The following TVP23A variants were observed in gnomAD, a reference collection of about 807,000 sequenced individuals.
TVP23A encodes Golgi apparatus membrane protein TVP23 homolog A.
TVP23A carries 21 observed loss-of-function variants against 31.7 expected under a neutral mutation model. The observed-to-expected ratio is 0.66, with a 90% CI of 0.47 to 0.95. The LOEUF (loss-of-function observed/expected upper bound fraction) is 0.95, where lower values mean the gene tolerates loss of function less well. Among genes scored for constraint, TVP23A ranks in the 40% least tolerant of loss-of-function variants. The pLI, the probability that TVP23A is intolerant of heterozygous loss-of-function variation, is 0.00. For missense variants in TVP23A, 279 were observed against 255.6 expected, an observed-to-expected ratio of 1.09 and a Z score of -0.62; for synonymous variants, 104 against 96.0, an observed-to-expected ratio of 1.08 and a Z score of -0.49.
chr16:10,775,293 G>A (rs1335811189), intron 2 of TVP23A, 197 bp from the exon 3 acceptor site: 4 of 1,407,712 alleles, frequency 2.8e-6, no homozygotes, highest in Non-Finnish European at 3.7e-6. Context: ...CAGTCATGCT[G>A]ACACTGTTTT....
Position 10,767,912 on chromosome 16 carries a change from T to C in TVP23A, c.*1190A>G. The C allele has an allele frequency of 1.9e-6, 3 of 1,597,620 alleles. No individual in the cohort carries two copies. Among genetic ancestry groups the C allele is most frequent in the Non-Finnish European group, 2.6e-6 (3 of 1,165,114 alleles). The stretch of plus-strand genomic sequence containing the variant: ...ATCTTGTGGCCATTCTGTTTTCCTC[T>C]TGGACTGAATTGTCTTCCGTTTGTT... On this transcript the variant is annotated 3_prime_UTR_variant, in exon 8 of 8. Coordinates refer to ENST00000299866, the MANE Select transcript of TVP23A (RefSeq NM_001079512.4). The surrounding 1 kb of genome is among the most constrained non-coding windows in gnomAD (Gnocchi z 4.6).
intron 2 of TVP23A, among the ~76,000 whole-genome samples, chr16:10,814,174 A>G (rs1567321284): frequency 6.6e-6 from 1 of 152,084 alleles, no homozygotes; most frequent in Non-Finnish European, 1.5e-5. Flanking sequence ...TGGTTAAATA[A>G]GTCCAGGGCC....
At chr16:10,778,671 A>G (rs1181293109) in intron 2 of TVP23A, among the ~76,000 whole-genome samples, 1 of 151,962 alleles carries the variant, frequency 6.6e-6, no homozygotes, top group Non-Finnish European at 1.5e-5. Flanking sequence ...TAAAAAAAAA[A>G]AAAAAGATAG....
Position 10,801,479 on chromosome 16 carries a change from C to G in TVP23A, c.89+16624G>C, listed in dbSNP as rs148464158. 4.9e-3 allele frequency among the ~76,000 whole-genome samples: 745 copies of G among 151,318 alleles called. 10 individuals are homozygous for G. The highest frequency in any genetic ancestry group is 0.017 in the African/African-American group (706 of 41,318). ...TGGATTGAGTCTTCTTTTTTTTTTCCTGAGTCTCGCTCTGTCACCCAGGCT... is the reference window on the plus strand; with the variant it reads ...TGGATTGAGTCTTCTTTTTTTTTTCGTGAGTCTCGCTCTGTCACCCAGGCT... On this transcript the variant is annotated intron_variant, in intron 2 of 7. Transcript: ENST00000299866.
At position 10,789,206 on chromosome 16, in the gene TVP23A, C is replaced by T. The variant is rs368549645; in HGVS notation, c.90-14110G>A. Among the ~76,000 whole-genome samples the T allele has an allele frequency of 2.6e-5, 4 of 152,124 alleles. No homozygotes were observed. In the East Asian group the frequency reaches 7.7e-4, roughly 29 times the overall value. ...GAGAACAGATGGCAAATGTTTTTTACCAGCCTTAAAAAGGCACCACTCTTA... is the reference window on the plus strand; with the variant it reads ...GAGAACAGATGGCAAATGTTTTTTATCAGCCTTAAAAAGGCACCACTCTTA... On this transcript the variant is annotated intron_variant, in intron 2 of 7. Coordinates refer to ENST00000299866, the MANE Select transcript of TVP23A (RefSeq NM_001079512.4).
downstream of TVP23A, chr16:10,758,110 G>C: frequency 3.4e-6 from 5 of 1,490,130 alleles, no homozygotes; most frequent in Non-Finnish European, 4.6e-6. Context: ...TGATACTCTG[G>C]TCTCACCAAG....
downstream of TVP23A, among the ~76,000 whole-genome samples, chr16:10,758,972 C>G (rs1900759573): frequency 6.6e-6 from 1 of 152,168 alleles, no homozygotes; most frequent in African/African-American, 2.4e-5. Context: ...CTATCCATCT[C>G]AGGGGCCTGA....
intron 2 of TVP23A, among the ~76,000 whole-genome samples, chr16:10,808,229 A>AT (rs2034032160): frequency 1.3e-5 from 2 of 152,358 alleles, no homozygotes; most frequent in South Asian, 4.1e-4. Flanking sequence ...TTCATTCAAC[A>AT]TAAGTTCCCC....
At chr16:10,761,654 C>G in intron 8 of TVP23A, 1 of 1,042,304 alleles carries the variant, frequency 9.6e-7, no homozygotes, top group Non-Finnish European at 1.4e-6. Context: ...GTTCCACATT[C>G]AAACTAAGCC....
chr16:10,803,423 G>A (rs1183074534), intron 2 of TVP23A, among the ~76,000 whole-genome samples: 5 of 152,232 alleles, frequency 3.3e-5, no homozygotes, highest in Admixed American at 1.3e-4. Flanking sequence ...AGAGGGCAGT[G>A]AACAGGCTGG....
intron 2 of TVP23A, among the ~76,000 whole-genome samples, chr16:10,802,291 T>C (rs966775183): frequency 6.8e-6 from 1 of 147,784 alleles, no homozygotes; most frequent in South Asian, 2.1e-4. Context: ...TGTGTATATG[T>C]GTGTGTGTGT....
intron 2 of TVP23A, among the ~76,000 whole-genome samples, chr16:10,808,976 A>G (rs2034070700): frequency 6.6e-6 from 1 of 152,162 alleles, no homozygotes; most frequent in African/African-American, 2.4e-5. Flanking sequence ...AAAGCATAAC[A>G]TAACTTTCCA....
At chr16:10,782,530 T>A (rs911191812) in intron 2 of TVP23A, among the ~76,000 whole-genome samples, 2 of 152,102 alleles carry the variant, frequency 1.3e-5, no homozygotes, top group Non-Finnish European at 2.9e-5. Flanking sequence ...TAAGACAGGG[T>A]CTCACTCTGT....
intron 2 of TVP23A, among the ~76,000 whole-genome samples, chr16:10,791,239 T>C (rs969482780): frequency 6.6e-6 from 1 of 152,164 alleles, no homozygotes; most frequent in Admixed American, 6.6e-5. Context: ...TGGACATCCT[T>C]TGTCAGACGA....
At chr16:10,759,914 C>T (rs547634915), downstream of TVP23A, among the ~76,000 whole-genome samples, 3 of 152,354 alleles carry the variant, frequency 2.0e-5, no homozygotes, top group African/African-American at 2.4e-5. The surrounding 1 kb of genome is among the most constrained non-coding windows in gnomAD (Gnocchi z 4.7). Flanking sequence ...AAGCTGCGAG[C>T]CTTTCGGGCT....
intron 2 of TVP23A, among the ~76,000 whole-genome samples, chr16:10,816,315 T>C (rs950822930): frequency 3.6e-5 from 5 of 139,864 alleles, no homozygotes; most frequent in African/African-American, 1.6e-4. Context: ...ACTTTGCAGA[T>C]GTAATTTAAT....
chr16:10,766,578 C>T (rs553389814), downstream of TVP23A: 4 of 169,280 alleles, frequency 2.4e-5, no homozygotes, highest in Admixed American at 2.5e-4. This position sits in a 1 kb window ranked among gnomAD's most constrained non-coding sequence, Gnocchi z 4.8. Flanking sequence ...AGGGGCCTCC[C>T]TAGCGAGTTC....
At position 10,767,239 on chromosome 16, in the gene TVP23A, T is replaced by G. The variant is rs1019968206; in HGVS notation, c.*1863A>C. 2 of 399,848 alleles carry G rather than the reference T, an allele frequency of 5.0e-6. No homozygotes were observed. The highest frequency in any genetic ancestry group is 4.1e-5 in the African/African-American group (2 of 48,648). 24.8% of individuals were successfully genotyped at this position (399,848 alleles called of 1,614,324 possible). ...CAGACTGGAGGCGAGAACACCCCCA[T>G]TGACCCCTAGCCCCTTGTGTCCTGT... On this transcript the variant is annotated 3_prime_UTR_variant, in exon 8 of 8. Transcript: ENST00000299866. This position sits in a 1 kb window ranked among gnomAD's most constrained non-coding sequence, Gnocchi z 4.6.
chr16:10,812,282 A>T (rs1322549436), intron 2 of TVP23A, among the ~76,000 whole-genome samples: 4 of 152,244 alleles, frequency 2.6e-5, no homozygotes, highest in Admixed American at 2.6e-4. Flanking sequence ...GATGCGGAGA[A>T]ACTGGGACCC....
Sources: allele counts gnomAD v4.1 joint callset (sites outside exome capture counted in the v4.1 genomes callset), GRCh38; gene constraint gnomAD v4.1.1; non-coding constraint Gnocchi (gnomAD v3.1); transcripts MANE v1.5; gene names NCBI Gene and HGNC (gene_info 2026-07-23, HGNC 2026-07-21).